Variants in COL5A2 observed in about 807,000 individuals in gnomAD.
COL5A2 encodes collagen type V alpha 2 chain.
In COL5A2, 23 loss-of-function variants were observed where a neutral mutation model predicts 208.2. That is an observed-to-expected ratio of 0.11 (90% confidence interval 0.08 to 0.16). The LOEUF is 0.16. Ranked by LOEUF, COL5A2 falls within the 10% of genes least tolerant of loss-of-function variation. The pLI is 1.00. For synonymous variants in COL5A2, 625 were observed against 628.5 expected (o/e 0.99, Z 0.08); for missense variants, 1,590 against 1,956.4 (o/e 0.81, Z 3.53).
chr2:189,179,828 CT>C, upstream of COL5A2: 1 of 669,608 alleles, frequency 1.5e-6, no homozygotes, highest in Non-Finnish European at 2.5e-6. Flanking sequence ...TTTCCTGCCC[CT>C]TTTCAGCTTG....
chr2:189,191,180 C>CA lies in COL5A2; in HGVS notation c.-42+33967dup, dbSNP rs1287764563. ...AAAACAAACAAACAACAAAAAACAA[C>CA]AACAAAAAAAACCACTCAGGTGGCT... On this transcript the variant is annotated intron_variant, in intron 1 of 10. Coordinates refer to the COL5A2 transcript ENST00000649966. Among the ~76,000 whole-genome samples the CA allele has an allele frequency of 7.7e-4, 72 of 93,894 alleles. 1 individual carries two copies. Among genetic ancestry groups the CA allele is most frequent in the East Asian group, 2.2e-3 (6 of 2,770 alleles). The allele number at this position is 93,894 out of a possible 152,430, so 61.6% of individuals were successfully genotyped here. A position where few individuals can be genotyped will look rare whatever the true frequency, so the allele number is the denominator to read the frequency against.
chr2:189,412,719 A>T, the COL5A2 span, among the ~76,000 whole-genome samples: 1 of 152,232 alleles, frequency 6.6e-6, no homozygotes. Context: ...TTGCCAATCA[A>T]TTGATAGTAA....
At chr2:189,209,164 T>C (rs2105865665) in intron 1 of COL5A2, among the ~76,000 whole-genome samples, 1 of 152,204 alleles carries the variant, frequency 6.6e-6, no homozygotes, top group South Asian at 2.1e-4. Context: ...ATTTTTTAAG[T>C]CCTCTAACAA....
At chr2:189,214,030 T>G (rs79700672) in intron 1 of COL5A2, among the ~76,000 whole-genome samples, 4,073 of 152,288 alleles carry the variant, frequency 0.027, 73 homozygotes, top group Admixed American at 0.044. Flanking sequence ...TAGTACCTAG[T>G]GTAAACTAAG....
At chr2:189,322,168 A>G in the COL5A2 span, among the ~76,000 whole-genome samples, 1 of 152,262 alleles carries the variant, frequency 6.6e-6, no homozygotes, top group South Asian at 2.1e-4. Context: ...TCTGGGACAC[A>G]TTTAAAGCAG....
intron 16 of COL5A2, among the ~76,000 whole-genome samples, 172 bp downstream of exon 16, chr2:189,078,344 G>A (rs1260282692): frequency 6.6e-6 from 1 of 150,894 alleles, no homozygotes; most frequent in East Asian, 1.9e-4. Flanking sequence ...AGAATTCTCT[G>A]TACTTTCTTT....
At chr2:189,411,526 T>TCTA in the COL5A2 span, among the ~76,000 whole-genome samples, 1 of 152,194 alleles carries the variant, frequency 6.6e-6, no homozygotes, top group Non-Finnish European at 1.5e-5. Context: ...TATCACATGG[T>TCTA]TGGAAATCTA....
At chr2:189,401,768 T>C in the COL5A2 span, among the ~76,000 whole-genome samples, 1 of 152,214 alleles carries the variant, frequency 6.6e-6, no homozygotes, top group Non-Finnish European at 1.5e-5. Flanking sequence ...CCATTCTAAC[T>C]GGGGTTAGGT....
At chr2:189,044,097 A>G (rs1039489888) in intron 47 of COL5A2, among the ~76,000 whole-genome samples, 19 of 152,292 alleles carry the variant, frequency 1.2e-4, no homozygotes, top group African/African-American at 4.3e-4. Flanking sequence ...GCATAGAGTC[A>G]TCTACTATAG....
the COL5A2 span, among the ~76,000 whole-genome samples, chr2:189,290,492 C>T: frequency 2.0e-5 from 3 of 152,038 alleles, no homozygotes; most frequent in Non-Finnish European, 2.9e-5. Flanking sequence ...TAGTCAAATA[C>T]GTTGAAGACG....
the COL5A2 span, among the ~76,000 whole-genome samples, chr2:189,268,113 T>A: frequency 2.6e-5 from 4 of 152,180 alleles, no homozygotes; most frequent in Non-Finnish European, 5.9e-5. Flanking sequence ...GTTCTGGTTT[T>A]ATTTGTTCCC....
chr2:189,135,816 C>T (rs1451205685), intron 1 of COL5A2, among the ~76,000 whole-genome samples: 1 of 152,128 alleles, frequency 6.6e-6, no homozygotes, highest in Non-Finnish European at 1.5e-5. Flanking sequence ...ATTGTCCTAA[C>T]TGTTTTATAT....
intron 1 of COL5A2, among the ~76,000 whole-genome samples, chr2:189,200,876 C>A (rs536722879): frequency 6.6e-6 from 1 of 151,980 alleles, no homozygotes. Context: ...AGCAAGCTAT[C>A]TTTCAAAATT....
intron 1 of COL5A2, among the ~76,000 whole-genome samples, chr2:189,191,176 ACAACAAC>A (rs1688922031): frequency 6.7e-6 from 1 of 148,896 alleles, no homozygotes. Flanking sequence ...ACAACAAAAA[ACAACAAC>A]AAAAAAAACC....
At chr2:189,378,496 G>A in the COL5A2 span, among the ~76,000 whole-genome samples, 2 of 152,066 alleles carry the variant, frequency 1.3e-5, no homozygotes, top group Non-Finnish European at 2.9e-5. Context: ...AGGCCGAGGC[G>A]GGAGGATCAT....
chr2:189,062,143 TAAG>T (rs1417525253), intron 29 of COL5A2, among the ~76,000 whole-genome samples: 1 of 151,530 alleles, frequency 6.6e-6, no homozygotes, highest in Non-Finnish European at 1.5e-5. Flanking sequence ...CCTCAAAGAA[TAAG>T]TATTATTCCT....
the COL5A2 span, among the ~76,000 whole-genome samples, chr2:189,361,364 CTTCT>C: frequency 6.6e-6 from 1 of 151,938 alleles, no homozygotes; most frequent in Admixed American, 6.6e-5. Context: ...ATATAATGGC[CTTCT>C]TTGTCTTTTT....
chr2:189,178,811 C>T (rs1688729853), intron 1 of COL5A2, among the ~76,000 whole-genome samples: 1 of 151,872 alleles, frequency 6.6e-6, no homozygotes, highest in South Asian at 2.1e-4. Context: ...TCCTGCCTTC[C>T]GCCATCCAAC....
chr2:189,229,061 A>G (rs556329223), upstream of COL5A2, among the ~76,000 whole-genome samples: 1 of 152,032 alleles, frequency 6.6e-6, no homozygotes, highest in Admixed American at 6.6e-5. Flanking sequence ...TAGAAATCAC[A>G]GGATGATAGA....
Sources: allele counts gnomAD v4.1 joint callset (sites outside exome capture counted in the v4.1 genomes callset), GRCh38; gene constraint gnomAD v4.1.1; transcripts MANE v1.5; gene names NCBI Gene and HGNC (gene_info 2026-07-23, HGNC 2026-07-21).